RRM2: variants seen among roughly 807,000 people sequenced by gnomAD.
RRM2 encodes ribonucleoside-diphosphate reductase subunit M2.
In RRM2, 6 loss-of-function variants were observed where a neutral mutation model predicts 45.9. That is an observed-to-expected ratio of 0.13 (90% CI 0.07 to 0.26). RRM2 has a LOEUF of 0.26. Among genes scored for constraint, RRM2 ranks in the 10% least tolerant of loss-of-function variants. The pLI, the probability that RRM2 is intolerant of heterozygous loss-of-function variation, is 1.00. For missense variants in RRM2, 343 were observed against 489.5 expected, an observed-to-expected ratio of 0.70 and a Z score of 2.82; for synonymous variants, 177 against 173.0, an observed-to-expected ratio of 1.02 and a Z score of -0.18.
intron 2 of RRM2, 117 bp from the exon 3 acceptor site, chr2:10,123,270 C>A: frequency 7.3e-7 from 1 of 1,364,210 alleles, no homozygotes; most frequent in Non-Finnish European, 9.8e-7. Flanking sequence ...ACGGGACAGC[C>A]ACGTTTTCAC....
intron 3 of RRM2, among the ~76,000 whole-genome samples, chr2:10,198,328 C>T (rs1296433358): frequency 6.6e-6 from 1 of 152,132 alleles, no homozygotes; most frequent in Non-Finnish European, 1.5e-5. Flanking sequence ...GTGTTCTAAT[C>T]CTGGGAGAAG....
chr2:10,189,145 T>A (rs1664231258), intron 3 of RRM2, among the ~76,000 whole-genome samples: 1 of 152,228 alleles, frequency 6.6e-6, no homozygotes, highest in Admixed American at 6.5e-5. Context: ...AGGCACTGTC[T>A]GGCCCCAGAA....
chr2:10,132,382 A>T (rs763564559), downstream of RRM2, among the ~76,000 whole-genome samples: 1 of 152,020 alleles, frequency 6.6e-6, no homozygotes, highest in African/African-American at 2.4e-5. Context: ...TCTAAGGTGG[A>T]TGGGAGTGAT....
At chr2:10,137,970 T>A (rs892241631), upstream of RRM2, among the ~76,000 whole-genome samples, 5 of 152,154 alleles carry the variant, frequency 3.3e-5, no homozygotes, top group African/African-American at 1.2e-4. Context: ...CAGGGGCCGC[T>A]GCAGCAAAGG....
chr2:10,169,504 G>A lies in RRM2; in HGVS notation n.482+27129G>A, dbSNP rs1277729947. On this transcript the variant is annotated intron_variant and non_coding_transcript_variant, in intron 3 of 3. Coordinates refer to the RRM2 transcript ENST00000381786. The surrounding 1 kb of genome is among the most constrained non-coding windows in gnomAD (Gnocchi z 5.1). ...AATGCTCTGCATGGGACAGGTTCTG[G>A]TTTTTGCTACAGAGACTGTAAGAGA... Among the ~76,000 whole-genome samples, 1 of 152,188 alleles carries A rather than the reference G, an allele frequency of 6.6e-6. No homozygotes were observed. Among genetic ancestry groups the A allele is most frequent in the African/African-American group, 2.4e-5 (1 of 41,452 alleles).
chr2:10,209,766 A>G (rs1251623578), intron 3 of RRM2, among the ~76,000 whole-genome samples: 1 of 152,224 alleles, frequency 6.6e-6, no homozygotes, highest in Non-Finnish European at 1.5e-5. Context: ...CTGCATAGCC[A>G]GAGACGGATA....
rs1558407027 is a variant in RRM2 at position 10,200,697 on chromosome 2, T to TGCGCGCACAAATTATGAGG, written n.483-9614_483-9613insGCGCGCACAAATTATGAGG. ...AGGGACTGCGCGCACAAATTATGAG[T>TGCGCGCACAAATTATGAGG]CCCACGGGGACCGCGCACACAAAAT... On this transcript the variant is annotated intron_variant and non_coding_transcript_variant, in intron 3 of 3. Coordinates refer to the RRM2 transcript ENST00000381786. Among the ~76,000 whole-genome samples the TGCGCGCACAAATTATGAGG allele has an allele frequency of 2.6e-3, 154 of 59,264 alleles. 3 individuals carry two copies. Among genetic ancestry groups the TGCGCGCACAAATTATGAGG allele is most frequent in the Non-Finnish European group, 5.4e-3 (135 of 24,952 alleles). 38.9% of individuals were successfully genotyped at this position (59,264 alleles called of 152,430 possible).
intron 5 of RRM2, 131 bp from the exon 6 acceptor site, chr2:10,126,744 G>A (rs1159831832): frequency 4.3e-6 from 3 of 703,584 alleles, no homozygotes; most frequent in Non-Finnish European, 7.4e-6. Flanking sequence ...TTCGGTGTGA[G>A]TTCTTCCTTT....
At chr2:10,134,423 A>G (rs1360800331), downstream of RRM2, among the ~76,000 whole-genome samples, 1 of 152,136 alleles carries the variant, frequency 6.6e-6, no homozygotes, top group Non-Finnish European at 1.5e-5. Context: ...CCCCAGTGAC[A>G]CGGGAACTAG....
At chr2:10,200,830 C>T (rs1387278026) in intron 3 of RRM2, among the ~76,000 whole-genome samples, 1 of 152,162 alleles carries the variant, frequency 6.6e-6, no homozygotes, top group African/African-American at 2.4e-5. Context: ...CCAGTTCTTC[C>T]AATTGTGTCC....
At chr2:10,149,604 G>A (rs568104876) in intron 3 of RRM2, among the ~76,000 whole-genome samples, 149 of 152,218 alleles carry the variant, frequency 9.8e-4, no homozygotes, top group African/African-American at 3.5e-3. Context: ...ATGCTGCGCT[G>A]TTTGCTTTTT....
intron 3 of RRM2, among the ~76,000 whole-genome samples, chr2:10,165,104 A>G (rs1663651338): frequency 6.6e-6 from 1 of 152,030 alleles, no homozygotes; most frequent in South Asian, 2.1e-4. Context: ...GGTGCACATC[A>G]CCACACCTAG....
At chr2:10,138,378 G>A, upstream of RRM2, among the ~76,000 whole-genome samples, 2 of 152,262 alleles carry the variant, frequency 1.3e-5, no homozygotes, top group South Asian at 4.1e-4. Context: ...TGTTGGTCAG[G>A]CTGGTCTCGA....
chr2:10,170,397 A>C (rs766716091), intron 3 of RRM2, among the ~76,000 whole-genome samples: 5 of 152,094 alleles, frequency 3.3e-5, no homozygotes, highest in Middle Eastern at 6.8e-3. Flanking sequence ...CCGTGGTGAA[A>C]TCAGACGGTC....
intron 3 of RRM2, among the ~76,000 whole-genome samples, chr2:10,190,154 A>G (rs1247539782): frequency 1.6e-3 from 151 of 94,926 alleles, no homozygotes; most frequent in Middle Eastern, 8.1e-3. Flanking sequence ...TGATGGTGGT[A>G]TTGGTGGTGA....
In RRM2 at chr2:10,142,406, G is replaced by A. The variant is rs139026296; in HGVS notation, n.482+31G>A. 8.9e-3 allele frequency: 12,146 copies of A among 1,368,258 alleles called. 87 individuals carry two copies. Among genetic ancestry groups the A allele is most frequent in the Non-Finnish European group, 9.6e-3 (9,769 of 1,022,392 alleles). The allele number at this position is 1,368,258 out of a possible 1,614,324, so 84.8% of individuals were successfully genotyped here. A position where few individuals can be genotyped will look rare whatever the true frequency, so the allele number is the denominator to read the frequency against. On this transcript the variant is annotated intron_variant and non_coding_transcript_variant, in intron 3 of 3. Transcript: ENST00000381786. ...AAATGATGGCAACTCGCACGGTGGG[G>A]GAAGAGGGGCCACTGTGGAGGTGGC...
rs966777518 is a variant in RRM2, at chr2:10,185,589, G to A, written n.483-24722G>A. On this transcript the variant is annotated intron_variant and non_coding_transcript_variant, in intron 3 of 3. Transcript: ENST00000381786. The surrounding 1 kb of genome is among the most constrained non-coding windows in gnomAD (Gnocchi z 4.3). ...TGGTTTTAAGGTGATTTTAGCCATC[G>A]AATTCCATATGACTCTGTTCTCAAG... Among the ~76,000 whole-genome samples, 1 of 152,118 alleles carries A rather than the reference G, an allele frequency of 6.6e-6. No homozygotes were observed. Among genetic ancestry groups the A allele is most frequent in the Non-Finnish European group, 1.5e-5 (1 of 68,016 alleles).
chr2:10,155,116 A>G, intron 3 of RRM2: 1 of 290,584 alleles, frequency 3.4e-6, no homozygotes, highest in South Asian at 3.5e-5. Context: ...TGGGATACTG[A>G]GCAGTGAACA....
At chr2:10,202,059 A>C (rs1388788204) in intron 3 of RRM2, among the ~76,000 whole-genome samples, 1 of 152,250 alleles carries the variant, frequency 6.6e-6, no homozygotes, top group Non-Finnish European at 1.5e-5. Flanking sequence ...TAGTGCTCTA[A>C]GAGAAACCCA....
Sources: gnomAD v4.1 joint callset for allele counts (sites outside exome capture counted in the v4.1 genomes callset) on GRCh38, gnomAD v4.1.1 for gene constraint, Gnocchi (gnomAD v3.1) non-coding constraint, MANE v1.5 for transcripts, NCBI Gene and HGNC (gene_info 2026-07-23, HGNC 2026-07-21) for gene names.